The following PHACTR1 variants were observed in gnomAD, a reference collection of about 807,000 sequenced individuals.
The protein encoded by PHACTR1 is RPEL repeat containing 1.
PHACTR1 carries 16 observed loss-of-function variants against 69.2 expected under a neutral mutation model. That is an observed-to-expected ratio of 0.23 (90% CI 0.16 to 0.35). The LOEUF is 0.35. Ranked by LOEUF, PHACTR1 falls within the 10% of genes least tolerant of loss-of-function variation. PHACTR1 has a pLI of 1.00. For missense variants in PHACTR1, 510 were observed against 734.7 expected (o/e 0.69, Z 3.54); for synonymous variants, 312 against 284.5 (o/e 1.10, Z -0.97).
chr6:13,228,822 T>G (rs184273080), intron 9 of PHACTR1, among the ~76,000 whole-genome samples: 13 of 152,334 alleles, frequency 8.5e-5, no homozygotes, highest in Non-Finnish European at 1.9e-4. Flanking sequence ...TCACGTCTGC[T>G]AAGGGGCAAC....
chr6:13,252,464 A>G (rs1774608355), intron 10 of PHACTR1, among the ~76,000 whole-genome samples: 1 of 152,060 alleles, frequency 6.6e-6, no homozygotes, highest in African/African-American at 2.4e-5. Context: ...ATATAAATAG[A>G]TCCTTTCCTG....
chr6:13,118,155 C>T (rs1287569019), intron 5 of PHACTR1, among the ~76,000 whole-genome samples: 4 of 152,300 alleles, frequency 2.6e-5, no homozygotes, highest in Middle Eastern at 3.4e-3. Context: ...GTAAGCTGAA[C>T]GTGTTGATGG....
intron 3 of PHACTR1, among the ~76,000 whole-genome samples, chr6:12,719,435 G>A (rs1761823003): frequency 6.6e-6 from 1 of 152,112 alleles, no homozygotes; most frequent in South Asian, 2.1e-4. Context: ...CTTCTGTTGG[G>A]GTATTTAGAA....
intron 5 of PHACTR1, among the ~76,000 whole-genome samples, chr6:13,062,724 C>G (rs1404715494): frequency 1.3e-5 from 2 of 152,150 alleles, no homozygotes; most frequent in African/African-American, 4.8e-5. Flanking sequence ...ATTTGCAATT[C>G]TTGGAGTAGA....
intron 4 of PHACTR1, among the ~76,000 whole-genome samples, chr6:12,905,362 T>G (rs941709976): frequency 3.3e-5 from 5 of 152,224 alleles, no homozygotes; most frequent in African/African-American, 1.2e-4. Flanking sequence ...GGGTATCTTT[T>G]AATAAGACCT....
At chr6:12,975,536 A>T (rs1794768765) in intron 4 of PHACTR1, among the ~76,000 whole-genome samples, 1 of 152,182 alleles carries the variant, frequency 6.6e-6, no homozygotes, top group African/African-American at 2.4e-5. Context: ...ATTGCTTGGT[A>T]TAGAAGATTC....
At chr6:12,984,616 T>C (rs1297823404) in intron 4 of PHACTR1, among the ~76,000 whole-genome samples, 3 of 152,246 alleles carry the variant, frequency 2.0e-5, no homozygotes, top group African/African-American at 7.2e-5. Context: ...CCTTTTAATA[T>C]ATGGTCACCA....
chr6:13,090,923 C>A (rs1813153419), intron 5 of PHACTR1, among the ~76,000 whole-genome samples: 1 of 151,054 alleles, frequency 6.6e-6, no homozygotes, highest in Non-Finnish European at 1.5e-5. Flanking sequence ...ATTATTATTA[C>A]ATTGTAATAT....
chr6:12,772,231 T>A (rs1329113584), intron 4 of PHACTR1, among the ~76,000 whole-genome samples: 1 of 152,206 alleles, frequency 6.6e-6, no homozygotes, highest in Non-Finnish European at 1.5e-5. Context: ...CCAAATGAGA[T>A]CCTGTTTTCT....
At chr6:13,153,478 A>G (rs1048953107) in intron 5 of PHACTR1, among the ~76,000 whole-genome samples, 3 of 152,220 alleles carry the variant, frequency 2.0e-5, no homozygotes, top group African/African-American at 7.2e-5. Context: ...TTGTTGGTCT[A>G]TAAAAGCAAA....
intron 4 of PHACTR1, among the ~76,000 whole-genome samples, chr6:12,928,671 T>TGTGGCAGGCATCGTGGTAG (rs1562020946): frequency 7.2e-6 from 1 of 139,482 alleles, no homozygotes; most frequent in Non-Finnish European, 1.5e-5. Flanking sequence ...AGTTGTCCTA[T>TGTGGCAGGCATCGTGGTAG]GTGGCAGGCA....
rs193066682 is a variant in PHACTR1 at position 12,758,696 on chromosome 6, C to G, written c.250+8906C>G. ...TTCATATGACTTCAAAACCTGTATA[C>G]TTAATAGACATGATTTACCACAAGA... On this transcript the variant is annotated intron_variant, in intron 4 of 14. Coordinates refer to ENST00000332995, the MANE Select transcript of PHACTR1 (RefSeq NM_030948.6). Among the ~76,000 whole-genome samples, 106 of 152,128 alleles carry G rather than the reference C, an allele frequency of 7.0e-4. No individual in the cohort carries two copies. In the Middle Eastern group the frequency reaches 0.01, roughly 15 times the overall value.
chr6:13,178,437 C>T (rs999882194), intron 6 of PHACTR1, among the ~76,000 whole-genome samples: 2 of 152,222 alleles, frequency 1.3e-5, no homozygotes, highest in Admixed American at 1.3e-4. Flanking sequence ...TTTCTCAAAG[C>T]GTGGTACCCT....
chr6:12,937,121 A>G (rs1229956162), intron 4 of PHACTR1, among the ~76,000 whole-genome samples: 1 of 152,102 alleles, frequency 6.6e-6, no homozygotes, highest in African/African-American at 2.4e-5. Context: ...TGAGATTAAG[A>G]CTTCACTGAT....
intron 4 of PHACTR1, among the ~76,000 whole-genome samples, chr6:12,823,956 A>G (rs931650890): frequency 6.6e-6 from 1 of 152,086 alleles, no homozygotes; most frequent in Non-Finnish European, 1.5e-5. Flanking sequence ...TGCCTACCTC[A>G]GAGGTCCCCA....
At chr6:13,262,377 C>T (rs528508356) in intron 10 of PHACTR1, among the ~76,000 whole-genome samples, 6 of 152,092 alleles carry the variant, frequency 3.9e-5, no homozygotes, top group Middle Eastern at 3.2e-3. Context: ...GAGTACAAGA[C>T]AGCAGTTAGA....
At chr6:13,099,569 G>T (rs1407730068) in intron 5 of PHACTR1, among the ~76,000 whole-genome samples, 1 of 152,224 alleles carries the variant, frequency 6.6e-6, no homozygotes, top group Non-Finnish European at 1.5e-5. Flanking sequence ...ATCACTCCCA[G>T]TGGAGATACT....
chr6:13,010,039 G>A (rs1799266031), intron 4 of PHACTR1, among the ~76,000 whole-genome samples: 1 of 152,042 alleles, frequency 6.6e-6, no homozygotes, highest in African/African-American at 2.4e-5. Flanking sequence ...AGATCTCTGT[G>A]GCTACTCTTG....
intron 3 of PHACTR1, among the ~76,000 whole-genome samples, chr6:12,741,946 A>C (rs1765102449): frequency 6.6e-6 from 1 of 152,164 alleles, no homozygotes; most frequent in African/African-American, 2.4e-5. Flanking sequence ...GTAATGTTTT[A>C]TAGTTTTTCA....
Sources: allele counts gnomAD v4.1 joint callset (sites outside exome capture counted in the v4.1 genomes callset), GRCh38; gene constraint gnomAD v4.1.1; transcripts MANE v1.5; gene names NCBI Gene and HGNC (gene_info 2026-07-23, HGNC 2026-07-21).